Variants in KCTD16 observed in about 807,000 individuals in gnomAD.
KCTD16 encodes the protein BTB/POZ domain-containing protein KCTD16.
Under a neutral mutation model 33.2 loss-of-function variants are expected in KCTD16, and 13 were observed. The ratio of observed to expected loss-of-function variants is 0.39; its 90% CI spans 0.25 to 0.62. The LOEUF is 0.62. Among genes scored for constraint, KCTD16 ranks in the 20% least tolerant of loss-of-function variants. The pLI is 0.50. For synonymous variants in KCTD16, 197 were observed against 195.3 expected (o/e 1.01, Z -0.07); for missense variants, 441 against 525.1 (o/e 0.84, Z 1.57).
At chr5:144,423,325 T>A (rs939589553) in intron 3 of KCTD16, among the ~76,000 whole-genome samples, 2 of 152,166 alleles carry the variant, frequency 1.3e-5, no homozygotes, top group East Asian at 1.9e-4. Flanking sequence ...ATTGGTTTTA[T>A]GCTTTTGAAA....
intron 3 of KCTD16, among the ~76,000 whole-genome samples, chr5:144,412,019 G>A (rs938264186): frequency 2.6e-5 from 4 of 152,142 alleles, no homozygotes; most frequent in African/African-American, 9.7e-5. Flanking sequence ...AAAAGACAGG[G>A]AGTAATGGAT....
chr5:144,402,166 T>C (rs1752716236), intron 3 of KCTD16, among the ~76,000 whole-genome samples: 1 of 152,196 alleles, frequency 6.6e-6, no homozygotes, highest in Non-Finnish European at 1.5e-5. Context: ...GCATATGCAG[T>C]GCCCAAGGCT....
intron 3 of KCTD16, among the ~76,000 whole-genome samples, chr5:144,211,444 A>T (rs1053731006): frequency 1.3e-5 from 2 of 152,180 alleles, no homozygotes; most frequent in Admixed American, 6.5e-5. Flanking sequence ...CACCAGCATG[A>T]TGCCACAAGT....
chr5:144,306,207 G>A (rs954045351), intron 3 of KCTD16, among the ~76,000 whole-genome samples: 2 of 152,244 alleles, frequency 1.3e-5, no homozygotes, highest in African/African-American at 4.8e-5. Flanking sequence ...TCTAGGGCTT[G>A]AGCAGAGAAG....
intron 3 of KCTD16, among the ~76,000 whole-genome samples, chr5:144,467,084 G>A (rs560061999): frequency 3.3e-5 from 4 of 119,850 alleles, no homozygotes; most frequent in South Asian, 2.4e-4. Context: ...TATATATAGT[G>A]TTATATATAT....
intron 3 of KCTD16, among the ~76,000 whole-genome samples, chr5:144,209,405 G>T (rs866816086): frequency 6.6e-6 from 1 of 152,118 alleles, no homozygotes; most frequent in Non-Finnish European, 1.5e-5. Context: ...AGAGATTGCT[G>T]AGGAACAGTT....
intron 3 of KCTD16, among the ~76,000 whole-genome samples, chr5:144,311,060 T>A (rs1396994703): frequency 6.6e-6 from 1 of 152,178 alleles, no homozygotes; most frequent in African/African-American, 2.4e-5. Flanking sequence ...TCATGGTAAT[T>A]CCATCTCCTT....
chr5:144,222,263 A>G (rs903176391), intron 3 of KCTD16, among the ~76,000 whole-genome samples: 3 of 152,180 alleles, frequency 2.0e-5, no homozygotes, highest in Admixed American at 2.0e-4. Context: ...TTTATATATC[A>G]ATGGTCAAAA....
intron 2 of KCTD16, among the ~76,000 whole-genome samples, chr5:144,181,141 G>A (rs534709984): frequency 7.1e-4 from 108 of 151,894 alleles, no homozygotes; most frequent in Admixed American, 1.4e-3. Context: ...CACTGTGTTA[G>A]CCAGGATGGT....
intron 3 of KCTD16, among the ~76,000 whole-genome samples, chr5:144,398,481 T>C (rs1752628286): frequency 6.6e-6 from 1 of 152,214 alleles, no homozygotes; most frequent in African/African-American, 2.4e-5. Flanking sequence ...TACAGGCAGA[T>C]TGTTAAGAAA....
intron 3 of KCTD16, among the ~76,000 whole-genome samples, chr5:144,392,270 G>T (rs1752467322): frequency 6.6e-6 from 1 of 152,090 alleles, no homozygotes; most frequent in Non-Finnish European, 1.5e-5. Flanking sequence ...ACATAAAGGG[G>T]GCCAATGTGG....
At chr5:144,379,515 T>C (rs1752164225) in intron 3 of KCTD16, among the ~76,000 whole-genome samples, 2 of 152,168 alleles carry the variant, frequency 1.3e-5, no homozygotes, top group Admixed American at 1.3e-4. Flanking sequence ...AATATCATTA[T>C]AATAGATTAA....
intron 3 of KCTD16, among the ~76,000 whole-genome samples, chr5:144,350,513 T>C (rs1286174804): frequency 6.6e-6 from 1 of 152,154 alleles, no homozygotes; most frequent in Non-Finnish European, 1.5e-5. Context: ...CCCTGGTAAA[T>C]AGCAGAGTTT....
At chr5:144,223,648 GTT>G (rs562974239) in intron 3 of KCTD16, among the ~76,000 whole-genome samples, 2 of 142,738 alleles carry the variant, frequency 1.4e-5, no homozygotes. Context: ...TACATTTTTT[GTT>G]TTTTTTTTTG....
intron 3 of KCTD16, among the ~76,000 whole-genome samples, chr5:144,463,178 G>A (rs971252940): frequency 2.0e-5 from 3 of 152,108 alleles, no homozygotes; most frequent in Non-Finnish European, 4.4e-5. Context: ...CTATGCAAAT[G>A]AGATTAATTC....
chr5:144,447,627 T>TA (rs1434061570), intron 3 of KCTD16, among the ~76,000 whole-genome samples: 1 of 151,632 alleles, frequency 6.6e-6, no homozygotes, highest in Non-Finnish European at 1.5e-5. Context: ...TCAGGAAAAG[T>TA]AAAAAAATGT....
intron 3 of KCTD16, among the ~76,000 whole-genome samples, chr5:144,293,065 A>G (rs1755938528): frequency 6.6e-6 from 1 of 152,202 alleles, no homozygotes; most frequent in South Asian, 2.1e-4. Context: ...TTGGTAATTT[A>G]TCTTTACTGA....
At chr5:144,423,977 A>G (rs1252950306) in intron 3 of KCTD16, among the ~76,000 whole-genome samples, 1 of 152,162 alleles carries the variant, frequency 6.6e-6, no homozygotes, top group Non-Finnish European at 1.5e-5. Context: ...GATATCCACC[A>G]CCACAGATAA....
chr5:144,317,655 G>A (rs544718035), intron 3 of KCTD16, among the ~76,000 whole-genome samples: 5 of 152,214 alleles, frequency 3.3e-5, no homozygotes, highest in African/African-American at 7.2e-5. Context: ...ATACCCTCAC[G>A]TTTTCCTTTC....
Sources: allele counts gnomAD v4.1 joint callset (sites outside exome capture counted in the v4.1 genomes callset), GRCh38; gene constraint gnomAD v4.1.1; transcripts MANE v1.5; gene names NCBI Gene and HGNC (gene_info 2026-07-23, HGNC 2026-07-21).